Variants in GALNTL6 observed in about 807,000 individuals in gnomAD.
The protein encoded by GALNTL6 is polypeptide N-acetylgalactosaminyltransferase-like 6.
A neutral mutation model predicts 73.7 loss-of-function variants in GALNTL6; 46 were observed. That is an observed-to-expected ratio of 0.62 (90% CI 0.49 to 0.80). The LOEUF (loss-of-function observed/expected upper bound fraction) is 0.80, where lower values mean the gene tolerates loss of function less well. Ranked by LOEUF, GALNTL6 falls within the 30% of genes least tolerant of loss-of-function variation. The pLI is 0.00. For synonymous variants in GALNTL6, 259 were observed against 263.7 expected (o/e 0.98, Z 0.17); for missense variants, 604 against 755.0 (o/e 0.80, Z 2.34).
intron 12 of GALNTL6, among the ~76,000 whole-genome samples, chr4:173,023,421 G>A (rs563506338): frequency 1.3e-5 from 2 of 152,264 alleles, no homozygotes; most frequent in East Asian, 3.9e-4. Context: ...ACTTTGGGAG[G>A]AGAGGCGGGC....
chr4:173,008,422 T>C (rs1180502037), intron 10 of GALNTL6, among the ~76,000 whole-genome samples: 2 of 152,270 alleles, frequency 1.3e-5, no homozygotes, highest in Admixed American at 6.5e-5. Context: ...AGCTGCAGTT[T>C]GGCTGTTTAA....
At chr4:172,171,228 A>G (rs1280573116) in intron 2 of GALNTL6, among the ~76,000 whole-genome samples, 2 of 152,186 alleles carry the variant, frequency 1.3e-5, no homozygotes, top group Non-Finnish European at 2.9e-5. Flanking sequence ...TTCAAAGTGA[A>G]GGTTATGGCT....
chr4:172,914,805 C>A (rs903234894), intron 8 of GALNTL6, among the ~76,000 whole-genome samples: 3 of 152,172 alleles, frequency 2.0e-5, no homozygotes, highest in Non-Finnish European at 2.9e-5. Flanking sequence ...TAACAGGAGA[C>A]TTTAACACCC....
Position 172,968,510 on chromosome 4 carries a change from C to T in GALNTL6, c.1371+16252C>T, listed in dbSNP as rs115696922. On this transcript the variant is annotated intron_variant, in intron 10 of 12. Coordinates refer to ENST00000506823, the MANE Select transcript of GALNTL6 (RefSeq NM_001034845.3). ...AGACAGAGACTCATCCTCTCCCCTC[C>T]TCCCTCTACAAAAAAAGAATAAGAA... Among the ~76,000 whole-genome samples the T allele has an allele frequency of 6.8e-3, 1,040 of 152,258 alleles. 8 individuals carry two copies. Among genetic ancestry groups the T allele is most frequent in the African/African-American group, 0.024 (989 of 41,552 alleles).
intron 5 of GALNTL6, among the ~76,000 whole-genome samples, chr4:172,610,157 A>G (rs779040165): frequency 6.6e-6 from 1 of 151,576 alleles, no homozygotes; most frequent in Non-Finnish European, 1.5e-5. Flanking sequence ...GAGTTCATTG[A>G]TTTTTTGTGT....
At chr4:172,731,080 CAAA>C (rs71592094) in intron 5 of GALNTL6, among the ~76,000 whole-genome samples, 15 of 113,136 alleles carry the variant, frequency 1.3e-4, no homozygotes, top group Non-Finnish European at 1.5e-4. Flanking sequence ...ACTCCATCTC[CAAA>C]AAAAAAAAAA....
intron 5 of GALNTL6, among the ~76,000 whole-genome samples, chr4:172,808,574 G>A (rs1039383238): frequency 6.6e-6 from 1 of 152,142 alleles, no homozygotes; most frequent in Non-Finnish European, 1.5e-5. Flanking sequence ...ACATAACCCC[G>A]GAAAGGCAGC....
intron 5 of GALNTL6, among the ~76,000 whole-genome samples, chr4:172,466,605 A>G (rs541643111): frequency 7.9e-5 from 12 of 152,180 alleles, no homozygotes; most frequent in Non-Finnish European, 1.0e-4. Flanking sequence ...AAAACACGCT[A>G]TTAATAGAGA....
intron 2 of GALNTL6, among the ~76,000 whole-genome samples, chr4:172,168,909 T>C (rs1029723998): frequency 6.9e-6 from 1 of 145,468 alleles, no homozygotes; most frequent in Non-Finnish European, 1.6e-5. Flanking sequence ...TATGATAGTA[T>C]ATCATACCCC....
chr4:172,193,907 A>T (rs562128854), intron 2 of GALNTL6, among the ~76,000 whole-genome samples: 6 of 152,140 alleles, frequency 3.9e-5, no homozygotes, highest in African/African-American at 1.4e-4. Flanking sequence ...AATGCCAAAA[A>T]CTCAAAAAGC....
chr4:171,957,822 T>C (rs1032038117), intron 2 of GALNTL6, among the ~76,000 whole-genome samples: 3 of 152,170 alleles, frequency 2.0e-5, no homozygotes, highest in African/African-American at 7.2e-5. Flanking sequence ...AACTGACCTG[T>C]TCAGATGTCC....
At chr4:172,325,057 G>A (rs1470324735) in intron 4 of GALNTL6, among the ~76,000 whole-genome samples, 1 of 151,268 alleles carries the variant, frequency 6.6e-6, no homozygotes, top group Non-Finnish European at 1.5e-5. Flanking sequence ...AATTCAAACT[G>A]TAATACTTTG....
At chr4:172,203,738 AT>A (rs577631990) in intron 2 of GALNTL6, among the ~76,000 whole-genome samples, 1 of 151,248 alleles carries the variant, frequency 6.6e-6, no homozygotes, top group Non-Finnish European at 1.5e-5. Context: ...ATCTTGACAG[AT>A]TTTTTTTTAT....
At chr4:172,686,286 A>G (rs1732911055) in intron 5 of GALNTL6, among the ~76,000 whole-genome samples, 1 of 152,206 alleles carries the variant, frequency 6.6e-6, no homozygotes. Flanking sequence ...TGGTCCTGCA[A>G]CATCAGCAGG....
chr4:172,128,320 G>A (rs550982219), intron 2 of GALNTL6, among the ~76,000 whole-genome samples: 93 of 152,148 alleles, frequency 6.1e-4, no homozygotes, highest in Middle Eastern at 3.4e-3. Flanking sequence ...ATCCCTTAAG[G>A]AGTTTTGAGC....
chr4:172,193,488 C>T (rs1318177434), intron 2 of GALNTL6, among the ~76,000 whole-genome samples: 1 of 152,162 alleles, frequency 6.6e-6, no homozygotes, highest in Non-Finnish European at 1.5e-5. Context: ...ACAACAACAA[C>T]AACATCAACA....
chr4:172,942,656 A>G (rs1252751200), intron 9 of GALNTL6, among the ~76,000 whole-genome samples: 1 of 152,024 alleles, frequency 6.6e-6, no homozygotes, highest in African/African-American at 2.4e-5. Flanking sequence ...CCCATGCTGC[A>G]CCGCCCCGGA....
chr4:172,811,952 C>T (rs150649963), intron 6 of GALNTL6, among the ~76,000 whole-genome samples: 160 of 151,956 alleles, frequency 1.1e-3, no homozygotes, highest in African/African-American at 3.5e-3. Context: ...GTGACTAGCA[C>T]GTAGTTTCTA....
chr4:172,977,802 G>A (rs759214455), intron 10 of GALNTL6, among the ~76,000 whole-genome samples: 3 of 152,098 alleles, frequency 2.0e-5, no homozygotes, highest in Admixed American at 6.6e-5. Flanking sequence ...TTCATATGTC[G>A]CATGTCTCAT....
Sources: gnomAD v4.1 joint callset for allele counts (sites outside exome capture counted in the v4.1 genomes callset) on GRCh38, gnomAD v4.1.1 for gene constraint, MANE v1.5 for transcripts, NCBI Gene and HGNC (gene_info 2026-07-23, HGNC 2026-07-21) for gene names.